The following PHYHIPL variants were observed in gnomAD, a reference collection of about 807,000 sequenced individuals.
PHYHIPL encodes the protein phytanoyl-CoA 2-hydroxylase interacting protein like.
In PHYHIPL, 9 loss-of-function variants were observed where a neutral mutation model predicts 33.4. The ratio of observed to expected loss-of-function variants is 0.27; its 90% CI spans 0.16 to 0.47. The LOEUF (loss-of-function observed/expected upper bound fraction) is 0.47, where lower values mean the gene tolerates loss of function less well. Among genes scored for constraint, PHYHIPL ranks in the 20% least tolerant of loss-of-function variants. The pLI is 0.99. For missense variants in PHYHIPL, 365 were observed against 460.7 expected (o/e 0.79, Z 1.90); for synonymous variants, 153 against 154.1 (o/e 0.99, Z 0.05).
At chr10:59,183,301 G>T (rs1415120958) in intron 1 of PHYHIPL, among the ~76,000 whole-genome samples, 1 of 152,170 alleles carries the variant, frequency 6.6e-6, no homozygotes, top group Non-Finnish European at 1.5e-5. Context: ...AATCTAAGGA[G>T]ACATTTTTGA....
chr10:59,246,104 A>G lies in PHYHIPL; in HGVS notation c.*513A>G, dbSNP rs1589309483. ...TATGTTATTTATATTAGCTAACAGG[A>G]AACAACTACTGTGTTTCAACATAAT... is the stretch of plus-strand genomic sequence containing the variant. On this transcript the variant is annotated 3_prime_UTR_variant, in exon 5 of 5. Coordinates refer to ENST00000373880, the MANE Select transcript of PHYHIPL (RefSeq NM_032439.4). 6.5e-6 allele frequency: 1 copy of G among 153,060 alleles called. No homozygotes were observed. The highest frequency in any genetic ancestry group is 1.5e-5 in the Non-Finnish European group (1 of 68,236). The allele number at this position is 153,060 out of a possible 1,614,324, so 9.5% of individuals were successfully genotyped here.
chr10:59,203,484 A>G (rs1451699844), intron 1 of PHYHIPL, among the ~76,000 whole-genome samples: 1 of 152,208 alleles, frequency 6.6e-6, no homozygotes, highest in African/African-American at 2.4e-5. Context: ...TTATTGTGGC[A>G]GTATTCACAA....
intron 1 of PHYHIPL, among the ~76,000 whole-genome samples, chr10:59,195,464 G>A (rs1430048839): frequency 3.9e-5 from 6 of 152,254 alleles, no homozygotes; most frequent in Admixed American, 2.0e-4. Flanking sequence ...AGACAAACGC[G>A]TATGATTTCA....
chr10:59,194,941 T>C (rs569083053), intron 1 of PHYHIPL, among the ~76,000 whole-genome samples: 6 of 152,322 alleles, frequency 3.9e-5, no homozygotes, highest in African/African-American at 1.2e-4. Context: ...CCAGCATTTC[T>C]GTCAATGTTT....
rs1564462811 is a variant in PHYHIPL at position 59,245,276 on chromosome 10, C to T, written c.816C>T (p.Tyr272=). 6.2e-7 allele frequency: 1 copy of T among 1,614,096 alleles called. No homozygotes were observed. Among genetic ancestry groups the T allele is most frequent in the Non-Finnish European group, 8.5e-7 (1 of 1,179,988 alleles). The change falls in exon 5 of 5, where the codon TAC becomes TAT. Residue 272 remains tyrosine, a synonymous_variant. Transcript: ENST00000373880. ...CTAACTTATACTTTGGGGACTTCTA[C>T]TGTATGTACACTGCTTATCATTATG... The part of the protein sequence containing the change: ...PNTNLYFGDF[Y]CMYTAYHYVI...
intron 1 of PHYHIPL, among the ~76,000 whole-genome samples, chr10:59,185,228 G>A (rs1838552217): frequency 1.3e-5 from 2 of 151,956 alleles, no homozygotes; most frequent in African/African-American, 4.8e-5. Context: ...CTGACCTCGT[G>A]ATCCGCCCGC....
At chr10:59,187,577 T>G (rs1284246744) in intron 1 of PHYHIPL, among the ~76,000 whole-genome samples, 1 of 152,214 alleles carries the variant, frequency 6.6e-6, no homozygotes, top group African/African-American at 2.4e-5. Flanking sequence ...AGAATTTGGC[T>G]GCGAATCCAT....
upstream of PHYHIPL, among the ~76,000 whole-genome samples, chr10:59,175,507 CTT>C (rs1233853277): frequency 6.6e-6 from 1 of 152,148 alleles, no homozygotes; most frequent in African/African-American, 2.4e-5. Flanking sequence ...TAAAAGGGAA[CTT>C]ATATTAATTT....
chr10:59,178,020 C>G (rs1232075247), intron 1 of PHYHIPL, among the ~76,000 whole-genome samples: 1 of 152,086 alleles, frequency 6.6e-6, no homozygotes, highest in Non-Finnish European at 1.5e-5. Flanking sequence ...GATACTAATA[C>G]GCTCACAGTA....
At chr10:59,176,187 C>T (rs777037405), upstream of PHYHIPL, among the ~76,000 whole-genome samples, 34 of 152,206 alleles carry the variant, frequency 2.2e-4, no homozygotes, top group Non-Finnish European at 4.1e-4. Context: ...AGGTGGCTCC[C>T]ACACCCCAAT....
chr10:59,224,438 G>C (rs1839861541), intron 1 of PHYHIPL, among the ~76,000 whole-genome samples: 1 of 143,448 alleles, frequency 7.0e-6, no homozygotes, highest in Non-Finnish European at 1.6e-5. Context: ...CTGGGCAAGA[G>C]TGAGACCCTG....
At chr10:59,176,613 A>C, upstream of PHYHIPL, 1 of 344,040 alleles carries the variant, frequency 2.9e-6, no homozygotes. Context: ...CGCGCCTCCC[A>C]TCCTCGCGCC....
Position 59,245,796 on chromosome 10 carries a change from G to A in PHYHIPL, c.*205G>A. 1.9e-6 allele frequency: 1 copy of A among 539,980 alleles called. No individual in the cohort carries two copies. The highest frequency in any genetic ancestry group is 3.2e-6 in the Non-Finnish European group (1 of 312,030). The allele number at this position is 539,980 out of a possible 1,614,324, so 33.4% of individuals were successfully genotyped here. On this transcript the variant is annotated 3_prime_UTR_variant, in exon 5 of 5. Transcript: ENST00000373880. ...TACCCCTCCCACTACTTTCAATGAT[G>A]AAATACCCTAAGTTAAGTTCTCCTT...
intron 1 of PHYHIPL, among the ~76,000 whole-genome samples, chr10:59,202,811 C>T (rs1324758744): frequency 6.6e-6 from 1 of 152,162 alleles, no homozygotes; most frequent in African/African-American, 2.4e-5. Context: ...TTCTGAAGCT[C>T]ATGCTCTTAA....
At chr10:59,232,474 T>A (rs73296189) in intron 1 of PHYHIPL, among the ~76,000 whole-genome samples, 1 of 151,860 alleles carries the variant, frequency 6.6e-6, no homozygotes, top group Non-Finnish European at 1.5e-5. Flanking sequence ...ACAATCAGAA[T>A]GAAAAAATCC....
intron 4 of PHYHIPL, among the ~76,000 whole-genome samples, chr10:59,241,943 C>CT (rs1840410363): frequency 6.6e-6 from 1 of 152,096 alleles, no homozygotes; most frequent in African/African-American, 2.4e-5. Context: ...GGGAAAGAGA[C>CT]TGAGATGACT....
chr10:59,198,697 C>T (rs1329034414), intron 1 of PHYHIPL, among the ~76,000 whole-genome samples: 1 of 152,108 alleles, frequency 6.6e-6, no homozygotes, highest in African/African-American at 2.4e-5. Context: ...CCTATTTCTC[C>T]ACATCCTCTC....
intron 1 of PHYHIPL, among the ~76,000 whole-genome samples, chr10:59,193,004 G>A (rs535666469): frequency 1.3e-5 from 2 of 152,160 alleles, no homozygotes; most frequent in East Asian, 1.9e-4. Flanking sequence ...TGAAAATTTG[G>A]TAGTACTCTC....
At chr10:59,180,271 C>G (rs1016574237) in intron 1 of PHYHIPL, among the ~76,000 whole-genome samples, 2 of 137,088 alleles carry the variant, frequency 1.5e-5, no homozygotes, top group Admixed American at 1.5e-4. Context: ...CACACACACA[C>G]ACACACATAC....
Sources: allele counts gnomAD v4.1 joint callset (sites outside exome capture counted in the v4.1 genomes callset), GRCh38; gene constraint gnomAD v4.1.1; transcripts MANE v1.5; gene names NCBI Gene and HGNC (gene_info 2026-07-23, HGNC 2026-07-21).